RFX4: variants seen among roughly 807,000 people sequenced by gnomAD.
The protein encoded by RFX4 is regulatory factor X4, also known as transcription factor RFX4.
Under a neutral mutation model 95.0 loss-of-function variants are expected in RFX4, and 10 were observed. The ratio of observed to expected loss-of-function variants is 0.11; its 90% CI spans 0.06 to 0.18. The LOEUF is 0.18. Ranked by LOEUF, RFX4 falls within the 10% of genes least tolerant of loss-of-function variation. The pLI is 1.00. For missense variants in RFX4, 640 were observed against 922.0 expected, an observed-to-expected ratio of 0.69 and a Z score of 3.96; for synonymous variants, 321 against 340.7, an observed-to-expected ratio of 0.94 and a Z score of 0.64.
intron 3 of RFX4, among the ~76,000 whole-genome samples, chr12:106,649,148 T>A (rs1393549275): frequency 6.6e-6 from 1 of 151,978 alleles, no homozygotes; most frequent in African/African-American, 2.4e-5. Flanking sequence ...CATGTCAGAC[T>A]AATGATGTCC....
chr12:106,689,460 C>T (rs2137428896), intron 7 of RFX4, 96 bp downstream of exon 7: 1 of 961,880 alleles, frequency 1.0e-6, no homozygotes, highest in Non-Finnish European at 1.7e-6. Flanking sequence ...CCAGGCCTGG[C>T]ATCTGGAAGC....
chr12:106,711,939 T>C (rs897410627), intron 10 of RFX4, among the ~76,000 whole-genome samples: 1 of 152,256 alleles, frequency 6.6e-6, no homozygotes, highest in African/African-American at 2.4e-5. Flanking sequence ...AAGTGACATA[T>C]GCTTGCTTTC....
chr12:106,654,742 G>A (rs143341793), intron 4 of RFX4, among the ~76,000 whole-genome samples: 1 of 152,212 alleles, frequency 6.6e-6, no homozygotes, highest in Non-Finnish European at 1.5e-5. Context: ...TGGAGGTGTG[G>A]GAGTCCTCTG....
chr12:106,740,631 T>A (rs1224302894), intron 15 of RFX4, among the ~76,000 whole-genome samples: 2 of 152,222 alleles, frequency 1.3e-5, no homozygotes, highest in East Asian at 3.9e-4. Flanking sequence ...ATCCTGGGAG[T>A]ACAGAAGTGA....
intron 3 of RFX4, among the ~76,000 whole-genome samples, chr12:106,646,554 C>G (rs1226922391): frequency 6.6e-6 from 1 of 150,682 alleles, no homozygotes; most frequent in Non-Finnish European, 1.5e-5. Context: ...GGTTGTAGGT[C>G]AAACCCAGCG....
At chr12:106,686,836 TC>T in intron 5 of RFX4, 47 bp from the exon 6 acceptor site, 1 of 1,527,982 alleles carries the variant, frequency 6.5e-7, no homozygotes, top group African/African-American at 1.7e-5. Flanking sequence ...TGTGGGTCTC[TC>T]TCTTTTTTTT....
chr12:106,737,764 C>T (rs2042738915), intron 15 of RFX4, among the ~76,000 whole-genome samples: 1 of 152,130 alleles, frequency 6.6e-6, no homozygotes, highest in African/African-American at 2.4e-5. Flanking sequence ...TGATAAATGG[C>T]ATTAGATCAA....
rs1230055985 is a variant in RFX4 at position 106,689,284 on chromosome 12, C to T, written c.592-3C>T. On this transcript the variant is annotated splice_polypyrimidine_tract_variant and splice_region_variant and intron_variant, in intron 6 of 17. Transcript: ENST00000392842. ...GTTGTTGATCCTCTACACACCCCCA[C>T]AGGTTTCTACCTTTATTATGATGTA... The T allele has an allele frequency of 1.6e-5, 26 of 1,610,662 alleles. No homozygotes were observed. Among genetic ancestry groups the T allele is most frequent in the Admixed American group, 3.3e-5 (2 of 60,012 alleles).
chr12:106,682,136 G>T (rs931480904), intron 5 of RFX4, 82 bp downstream of exon 5: 3 of 1,418,676 alleles, frequency 2.1e-6, no homozygotes, highest in Non-Finnish European at 3.0e-6. Context: ...TCTTTATCCT[G>T]AGCTCTGTCT....
intron 8 of RFX4, among the ~76,000 whole-genome samples, chr12:106,700,387 T>C (rs1486532088): frequency 6.6e-6 from 1 of 151,516 alleles, no homozygotes. Context: ...GTTTTAAGTT[T>C]GTATATCTTC....
At chr12:106,667,688 C>T (rs1020520519) in intron 4 of RFX4, among the ~76,000 whole-genome samples, 1 of 152,186 alleles carries the variant, frequency 6.6e-6, no homozygotes, top group Admixed American at 6.5e-5. Flanking sequence ...TGTATTTACC[C>T]GTCTCTCCAA....
intron 8 of RFX4, among the ~76,000 whole-genome samples, chr12:106,700,695 C>T (rs1017937676): frequency 2.3e-4 from 35 of 152,190 alleles, no homozygotes; most frequent in East Asian, 1.5e-3. Flanking sequence ...CGTGAGCCAC[C>T]GCGCCCGGCC....
In RFX4 at chr12:106,639,360, C is replaced by T. The variant is rs1372399321; in HGVS notation, c.159C>T (p.Ser53=). The change falls in exon 3 of 18, where the codon TCC becomes TCT. Residue 53 remains serine (S), a synonymous_variant. Transcript: ENST00000392842. ...AGGAAAAAGAAAATAATAGAGCATC[C>T]AAGCCCCACTCCACTCCTGCTACTC... The part of the protein sequence containing the change: ...ENEEKENNRA[S]KPHSTPATLQ... 6.2e-7 allele frequency: 1 copy of T among 1,613,666 alleles called. No individual in the cohort carries two copies. Among genetic ancestry groups the T allele is most frequent in the South Asian group, 1.1e-5 (1 of 90,998 alleles).
intron 1 of RFX4, among the ~76,000 whole-genome samples, chr12:106,593,680 G>A (rs1461585715): frequency 3.3e-5 from 5 of 152,172 alleles, no homozygotes; most frequent in South Asian, 4.1e-4. Flanking sequence ...GGAATGTTGC[G>A]ATTATAGGAT....
At chr12:106,607,865 A>T (rs936848300) in intron 1 of RFX4, among the ~76,000 whole-genome samples, 18 of 151,186 alleles carry the variant, frequency 1.2e-4, no homozygotes, top group African/African-American at 1.7e-4. Flanking sequence ...AAATTGGATT[A>T]AAAAAAAACA....
At chr12:106,584,810 C>T (rs925234389) in intron 1 of RFX4, among the ~76,000 whole-genome samples, 1 of 152,194 alleles carries the variant, frequency 6.6e-6, no homozygotes, top group Non-Finnish European at 1.5e-5. Context: ...CAAGGCCCCG[C>T]CTGATTGCAC....
chr12:106,683,884 C>T (rs1369672928), intron 5 of RFX4: 1 of 152,066 alleles, frequency 6.6e-6, no homozygotes, highest in Admixed American at 6.6e-5. Flanking sequence ...TTTCTTTAAC[C>T]TCGAGGTTGG....
intron 7 of RFX4, among the ~76,000 whole-genome samples, chr12:106,693,413 T>C (rs2041822232): frequency 6.6e-6 from 1 of 152,206 alleles, no homozygotes; most frequent in South Asian, 2.1e-4. Flanking sequence ...CAGCTGATCT[T>C]TTCTAGACAT....
chr12:106,605,968 T>C (rs1338504550), intron 1 of RFX4, among the ~76,000 whole-genome samples: 4 of 152,190 alleles, frequency 2.6e-5, no homozygotes, highest in African/African-American at 7.2e-5. Flanking sequence ...CTCTCCAGTG[T>C]GGGATTGCAC....
Sources: allele counts gnomAD v4.1 joint callset (sites outside exome capture counted in the v4.1 genomes callset), GRCh38; gene constraint gnomAD v4.1.1; transcripts MANE v1.5; gene names NCBI Gene and HGNC (gene_info 2026-07-23, HGNC 2026-07-21).